ERBB4: variants seen among roughly 807,000 people sequenced by gnomAD.
The protein encoded by ERBB4 is receptor tyrosine-protein kinase erbB-4.
In ERBB4, 42 loss-of-function variants were observed where a neutral mutation model predicts 158.0. The ratio of observed to expected loss-of-function variants is 0.27; its 90% CI spans 0.21 to 0.34. ERBB4 has a LOEUF of 0.34. ERBB4 is among the 10% of genes least tolerant of loss of function. ERBB4 has a pLI of 1.00. For missense variants in ERBB4, 1,333 were observed against 1,624.1 expected, an observed-to-expected ratio of 0.82 and a Z score of 3.08; for synonymous variants, 583 against 558.7, an observed-to-expected ratio of 1.04 and a Z score of -0.61.
chr2:212,446,589 AT>A (rs1306883558), intron 1 of ERBB4, among the ~76,000 whole-genome samples: 2 of 22,712 alleles, frequency 8.8e-5, no homozygotes, highest in Admixed American at 9.7e-4. Flanking sequence ...ATATATATAT[AT>A]GTATATATAT....
chr2:211,912,797 G>A (rs1179520236), intron 3 of ERBB4, among the ~76,000 whole-genome samples: 2 of 152,162 alleles, frequency 1.3e-5, no homozygotes, highest in Non-Finnish European at 2.9e-5. Flanking sequence ...GCATTTCTGA[G>A]ATCTAGGAGA....
At chr2:212,329,684 C>T (rs2088038574) in intron 1 of ERBB4, among the ~76,000 whole-genome samples, 1 of 152,028 alleles carries the variant, frequency 6.6e-6, no homozygotes, top group African/African-American at 2.4e-5. Flanking sequence ...TAAAAGTGGG[C>T]AGCCAGGTTT....
At chr2:212,043,399 A>G in intron 2 of ERBB4, among the ~76,000 whole-genome samples, 1 of 152,194 alleles carries the variant, frequency 6.6e-6, no homozygotes, top group Middle Eastern at 3.2e-3. Flanking sequence ...TTATCTAACC[A>G]TTAATAAATG....
intron 2 of ERBB4, among the ~76,000 whole-genome samples, chr2:212,067,359 A>G (rs1386400744): frequency 2.0e-5 from 3 of 152,008 alleles, no homozygotes; most frequent in African/African-American, 7.2e-5. Context: ...AGAGAAAAAA[A>G]TATGTTTCAA....
chr2:211,511,530 G>A (rs2065885433), intron 20 of ERBB4, among the ~76,000 whole-genome samples: 1 of 151,978 alleles, frequency 6.6e-6, no homozygotes, highest in South Asian at 2.1e-4. Context: ...AGCAAAACTT[G>A]AGCCATATCA....
rs373795364 is a variant in ERBB4, at chr2:211,848,148, A to G, written c.422-59989T>C. Among the ~76,000 whole-genome samples, 56 of 152,152 alleles carry G rather than the reference A, an allele frequency of 3.7e-4. No individual in the cohort carries two copies. In the East Asian group the frequency reaches 8.7e-3, roughly 24 times the overall value. Reference sequence around the variant, plus strand: ...TGTCCCAAGTTATTTTGAAGCATACAGTTTAAAATATTATCTACCTGATAT... The same window carrying G: ...TGTCCCAAGTTATTTTGAAGCATACGGTTTAAAATATTATCTACCTGATAT... On this transcript the variant is annotated intron_variant, in intron 3 of 27. Coordinates refer to ENST00000342788, the MANE Select transcript of ERBB4 (RefSeq NM_005235.3).
intron 7 of ERBB4, among the ~76,000 whole-genome samples, chr2:211,716,150 G>A (rs904200738): frequency 4.8e-5 from 7 of 144,574 alleles, no homozygotes; most frequent in African/African-American, 1.8e-4. Context: ...ATCACCTGAG[G>A]TAGGGAGTTC....
chr2:211,669,670 T>C (rs921905336), intron 14 of ERBB4, among the ~76,000 whole-genome samples: 135 of 152,306 alleles, frequency 8.9e-4, no homozygotes, highest in African/African-American at 2.8e-3. Context: ...CCTTGCAAGA[T>C]TACCGTAAAT....
intron 3 of ERBB4, among the ~76,000 whole-genome samples, chr2:211,836,511 A>G (rs552966481): frequency 6.6e-6 from 1 of 152,224 alleles, no homozygotes; most frequent in Admixed American, 6.6e-5. Flanking sequence ...GTAGTCACAT[A>G]TATTGGTACT....
At chr2:211,559,217 TCTC>T (rs1273616698) in intron 20 of ERBB4, among the ~76,000 whole-genome samples, 4 of 152,068 alleles carry the variant, frequency 2.6e-5, no homozygotes, top group African/African-American at 9.7e-5. Flanking sequence ...TCCATCTACT[TCTC>T]CTTATTGGCA....
intron 5 of ERBB4, among the ~76,000 whole-genome samples, chr2:211,736,119 T>C (rs1487885336): frequency 6.6e-6 from 1 of 151,344 alleles, no homozygotes; most frequent in Non-Finnish European, 1.5e-5. Flanking sequence ...GCTATGATTG[T>C]GCCTCTGTGC....
At chr2:211,771,281 T>C (rs992859957) in intron 4 of ERBB4, among the ~76,000 whole-genome samples, 1 of 151,810 alleles carries the variant, frequency 6.6e-6, no homozygotes, top group East Asian at 2.0e-4. Flanking sequence ...CTACACAACA[T>C]CTCTGCTGGT....
intron 2 of ERBB4, among the ~76,000 whole-genome samples, chr2:211,980,997 T>C (rs2081777789): frequency 6.6e-6 from 1 of 151,720 alleles, no homozygotes; most frequent in Admixed American, 6.6e-5. Flanking sequence ...CCACCATCTG[T>C]ATTATAATTT....
intron 2 of ERBB4, among the ~76,000 whole-genome samples, chr2:211,960,376 G>T (rs1033337519): frequency 1.3e-5 from 2 of 151,994 alleles, no homozygotes; most frequent in African/African-American, 4.8e-5. Flanking sequence ...ATAAACCTAC[G>T]AGTTCATAAT....
intron 1 of ERBB4, among the ~76,000 whole-genome samples, chr2:212,320,285 C>A (rs2087502387): frequency 6.8e-6 from 1 of 147,224 alleles, no homozygotes; most frequent in East Asian, 2.0e-4. Context: ...TACCTACTTT[C>A]TTAGGGGAAT....
chr2:211,906,335 C>T (rs1049959350), intron 3 of ERBB4, among the ~76,000 whole-genome samples: 6 of 151,956 alleles, frequency 3.9e-5, no homozygotes, highest in Non-Finnish European at 5.9e-5. Context: ...TAATTCTAGA[C>T]GACCTGAAGA....
intron 2 of ERBB4, among the ~76,000 whole-genome samples, chr2:211,959,652 T>C (rs750829793): frequency 2.6e-5 from 4 of 152,112 alleles, no homozygotes; most frequent in Non-Finnish European, 5.9e-5. Flanking sequence ...GCAATCATTA[T>C]AGTACCTTCT....
chr2:212,138,325 T>A (rs1465308437), intron 1 of ERBB4, among the ~76,000 whole-genome samples: 1 of 152,208 alleles, frequency 6.6e-6, no homozygotes, highest in Admixed American at 6.5e-5. Context: ...ATGTTACCGA[T>A]CTACTCAGCA....
intron 2 of ERBB4, among the ~76,000 whole-genome samples, chr2:212,005,206 G>T (rs982429771): frequency 6.6e-6 from 1 of 151,972 alleles, no homozygotes. Context: ...GAATCCCATT[G>T]AGTGAGAGTC....
Sources: gnomAD v4.1 joint callset for allele counts (sites outside exome capture counted in the v4.1 genomes callset) on GRCh38, gnomAD v4.1.1 for gene constraint, MANE v1.5 for transcripts, NCBI Gene and HGNC (gene_info 2026-07-23, HGNC 2026-07-21) for gene names.